The following AKT3 variants were observed in gnomAD, a reference collection of about 807,000 sequenced individuals.
AKT3 encodes the protein RAC-gamma serine/threonine-protein kinase.
In AKT3, 15 loss-of-function variants were observed where a neutral mutation model predicts 65.3. That is an observed-to-expected ratio of 0.23 (90% CI 0.15 to 0.35). The LOEUF (loss-of-function observed/expected upper bound fraction) is 0.35, where lower values mean the gene tolerates loss of function less well. AKT3 is among the 10% of genes least tolerant of loss of function. AKT3 has a pLI of 1.00. For synonymous variants in AKT3, 206 were observed against 183.8 expected (o/e 1.12, Z -0.98); for missense variants, 243 against 576.5 (o/e 0.42, Z 5.92).
intron 2 of AKT3, among the ~76,000 whole-genome samples, chr1:243,745,417 G>T (rs1335141430): frequency 2.0e-5 from 3 of 152,152 alleles, no homozygotes; most frequent in Non-Finnish European, 4.4e-5. Context: ...ATTTTAAAAT[G>T]ATCAGAGCAT....
intron 2 of AKT3, among the ~76,000 whole-genome samples, chr1:243,723,908 T>C (rs1687060612): frequency 1.3e-5 from 2 of 152,126 alleles, no homozygotes; most frequent in Non-Finnish European, 1.5e-5. Context: ...GACAGAGTAA[T>C]ATCTGTCTGG....
intron 4 of AKT3, among the ~76,000 whole-genome samples, chr1:243,658,081 T>C (rs1382858304): frequency 6.6e-6 from 1 of 152,166 alleles, no homozygotes; most frequent in Non-Finnish European, 1.5e-5. Flanking sequence ...GATTTCTTGA[T>C]GCTGACAAAA....
At chr1:243,593,688 T>C (rs1250888885) in intron 8 of AKT3, among the ~76,000 whole-genome samples, 1 of 152,158 alleles carries the variant, frequency 6.6e-6, no homozygotes, top group Non-Finnish European at 1.5e-5. Flanking sequence ...TGAGACTCCG[T>C]GTCTAAATAA....
At chr1:243,717,593 C>T (rs895198710) in intron 2 of AKT3, among the ~76,000 whole-genome samples, 1 of 152,150 alleles carries the variant, frequency 6.6e-6, no homozygotes, top group Non-Finnish European at 1.5e-5. Flanking sequence ...ATTAATATTA[C>T]CATCAGTATT....
intron 2 of AKT3, among the ~76,000 whole-genome samples, chr1:243,812,716 C>T (rs1377968691): frequency 2.0e-5 from 3 of 152,110 alleles, no homozygotes; most frequent in Admixed American, 6.5e-5. Flanking sequence ...AAGACACATG[C>T]ACACGTATGT....
At chr1:243,643,323 T>C (rs1324952621) in intron 5 of AKT3, among the ~76,000 whole-genome samples, 1 of 152,244 alleles carries the variant, frequency 6.6e-6, no homozygotes, top group African/African-American at 2.4e-5. Context: ...CATGAGATTA[T>C]AGCCAGTTGA....
chr1:243,542,382 T>C (rs1672379470), intron 12 of AKT3, among the ~76,000 whole-genome samples: 1 of 152,050 alleles, frequency 6.6e-6, no homozygotes, highest in Non-Finnish European at 1.5e-5. Flanking sequence ...CTCTTTAGAG[T>C]GGTACATCAT....
chr1:243,513,695 T>TA (rs1402947325), intron 12 of AKT3, among the ~76,000 whole-genome samples: 2 of 152,214 alleles, frequency 1.3e-5, no homozygotes, highest in African/African-American at 2.4e-5. Flanking sequence ...AGCACACAGC[T>TA]ATTCTAAGGT....
At chr1:243,737,323 A>G (rs775222952) in intron 2 of AKT3, among the ~76,000 whole-genome samples, 4 of 152,178 alleles carry the variant, frequency 2.6e-5, no homozygotes, top group Non-Finnish European at 4.4e-5. Flanking sequence ...TAAAACACCT[A>G]AAATAGTGCT....
At position 243,695,722 on chromosome 1, in the gene AKT3, T is replaced by C; in HGVS notation, c.47-6A>G. On this transcript the variant is annotated splice_region_variant and splice_polypyrimidine_tract_variant and intron_variant, in intron 2 of 13. Transcript: ENST00000673466. ...CCAGTTTTTTATATATTCTCCTACA[T>C]GAGGAAAGCACGCATGTTAATGCTG... 4 of 1,584,106 alleles carry C rather than the reference T, an allele frequency of 2.5e-6. No homozygotes were observed. The highest frequency in any genetic ancestry group is 3.4e-6 in the Non-Finnish European group (4 of 1,168,634).
Position 243,556,213 on chromosome 1 carries a change from G to T in AKT3, c.949-3270C>A, listed in dbSNP as rs191527052. On this transcript the variant is annotated intron_variant, in intron 10 of 13. Transcript: ENST00000673466. ...AACATTAAATATCCTGGAAATATTT[G>T]ATCAATATTTGATGAAGACACTTAC... is the stretch of plus-strand genomic sequence containing the variant. Among the ~76,000 whole-genome samples, 498 of 152,132 alleles carry T rather than the reference G, an allele frequency of 3.3e-3. 1 individual carries two copies. Among genetic ancestry groups the T allele is most frequent in the Middle Eastern group, 6.8e-3 (2 of 294 alleles).
intron 5 of AKT3, among the ~76,000 whole-genome samples, chr1:243,639,527 G>A (rs541206082): frequency 2.6e-5 from 4 of 152,164 alleles, no homozygotes; most frequent in African/African-American, 7.2e-5. Flanking sequence ...AGTGACCTCC[G>A]GTTGTCCCCA....
chr1:243,754,915 G>A (rs1689032527), intron 2 of AKT3, among the ~76,000 whole-genome samples: 1 of 152,228 alleles, frequency 6.6e-6, no homozygotes, highest in South Asian at 2.1e-4. Flanking sequence ...GAGGAAGAAT[G>A]ATCGGGTTCA....
At chr1:243,786,254 CTG>C (rs1468638769) in intron 2 of AKT3, among the ~76,000 whole-genome samples, 3 of 152,342 alleles carry the variant, frequency 2.0e-5, no homozygotes, top group East Asian at 1.9e-4. Flanking sequence ...TCCTGAAAAT[CTG>C]TGTTTCCTCT....
chr1:243,812,129 A>G (rs553854591), intron 2 of AKT3, among the ~76,000 whole-genome samples: 2 of 152,376 alleles, frequency 1.3e-5, no homozygotes, highest in East Asian at 3.9e-4. Context: ...CTTCATGTCT[A>G]AAACACCAAA....
At chr1:243,555,449 A>C (rs1261881019) in intron 10 of AKT3, among the ~76,000 whole-genome samples, 2 of 152,200 alleles carry the variant, frequency 1.3e-5, no homozygotes, top group Non-Finnish European at 2.9e-5. Context: ...TACTCTGGAA[A>C]TCCCACAGCC....
At chr1:243,584,876 A>G (rs927398472) in intron 8 of AKT3, among the ~76,000 whole-genome samples, 3 of 152,278 alleles carry the variant, frequency 2.0e-5, no homozygotes, top group African/African-American at 7.2e-5. Context: ...CCTAGTCAAT[A>G]TATTAGTGGA....
intron 2 of AKT3, among the ~76,000 whole-genome samples, chr1:243,723,734 G>C (rs1406132889): frequency 2.0e-5 from 3 of 151,924 alleles, no homozygotes; most frequent in Non-Finnish European, 4.4e-5. Flanking sequence ...TTGAGACTTG[G>C]GTAGAGATCC....
At chr1:243,516,924 T>C (rs944827517) in intron 12 of AKT3, among the ~76,000 whole-genome samples, 2 of 152,244 alleles carry the variant, frequency 1.3e-5, no homozygotes, top group Non-Finnish European at 2.9e-5. Flanking sequence ...TCATTAATTT[T>C]ACACTTTTCT....
Sources: allele counts gnomAD v4.1 joint callset (sites outside exome capture counted in the v4.1 genomes callset), GRCh38; gene constraint gnomAD v4.1.1; transcripts MANE v1.5; gene names NCBI Gene and HGNC (gene_info 2026-07-23, HGNC 2026-07-21).